The following MTSS1 variants were observed in gnomAD, a reference collection of about 807,000 sequenced individuals.
The protein encoded by MTSS1 is protein MTSS 1.
A neutral mutation model predicts 79.0 loss-of-function variants in MTSS1; 18 were observed. That is an observed-to-expected ratio of 0.23 (90% confidence interval 0.16 to 0.34). MTSS1 has a LOEUF of 0.34. Ranked by LOEUF, MTSS1 falls within the 10% of genes least tolerant of loss-of-function variation. The pLI, the probability that MTSS1 is intolerant of heterozygous loss-of-function variation, is 1.00. For missense variants in MTSS1, 815 were observed against 986.2 expected, an observed-to-expected ratio of 0.83 and a Z score of 2.33; for synonymous variants, 341 against 368.6, an observed-to-expected ratio of 0.93 and a Z score of 0.86.
At chr8:124,697,050 C>T (rs534826580) in intron 3 of MTSS1, among the ~76,000 whole-genome samples, 1 of 152,098 alleles carries the variant, frequency 6.6e-6, no homozygotes, top group Non-Finnish European at 1.5e-5. Flanking sequence ...CCTGCAGTGT[C>T]CCGCCAAGAA....
chr8:124,652,691 A>T (rs1181281007), intron 3 of MTSS1, among the ~76,000 whole-genome samples: 1 of 150,512 alleles, frequency 6.6e-6, no homozygotes, highest in Non-Finnish European at 1.5e-5. Context: ...GTTACTTGGG[A>T]GGCTGAGGCA....
At chr8:124,632,771 G>A (rs1485951936) in intron 3 of MTSS1, among the ~76,000 whole-genome samples, 4 of 152,292 alleles carry the variant, frequency 2.6e-5, no homozygotes, top group African/African-American at 9.6e-5. Flanking sequence ...GAGTTCAAGC[G>A]ATTCTTCTGC....
chr8:124,669,080 T>C (rs1587705518), intron 3 of MTSS1, among the ~76,000 whole-genome samples: 3 of 152,196 alleles, frequency 2.0e-5, no homozygotes, highest in Admixed American at 2.0e-4. Flanking sequence ...GAGCAAAAGA[T>C]GGATCTCTCA....
chr8:124,561,544 ACT>A (rs1221239694), intron 10 of MTSS1, among the ~76,000 whole-genome samples: 2 of 151,896 alleles, frequency 1.3e-5, no homozygotes, highest in Non-Finnish European at 2.9e-5. Flanking sequence ...CATGGGAAAC[ACT>A]CTGTTCTACC....
chr8:124,597,288 T>C lies in MTSS1; in HGVS notation c.209-6053A>G, dbSNP rs1156801295. Among the ~76,000 whole-genome samples the C allele has an allele frequency of 6.6e-6, 1 of 152,156 alleles. No homozygotes were observed. The highest frequency in any genetic ancestry group is 2.4e-5 in the African/African-American group (1 of 41,426). On this transcript the variant is annotated intron_variant, in intron 3 of 13. Coordinates refer to ENST00000518547, the MANE Select transcript of MTSS1 (RefSeq NM_014751.6). The surrounding 1 kb of genome is among the most constrained non-coding windows in gnomAD (Gnocchi z 4.6). Reference sequence around the variant, plus strand: ...GTTAACAACCTTGCTGAGGGCCACATTGCTGGTCAGCAGTAGAGCCAAAAT... The same window carrying C: ...GTTAACAACCTTGCTGAGGGCCACACTGCTGGTCAGCAGTAGAGCCAAAAT...
chr8:124,712,485 G>T (rs967230010), intron 1 of MTSS1, among the ~76,000 whole-genome samples: 1 of 152,166 alleles, frequency 6.6e-6, no homozygotes. Context: ...TCCAGAAGTG[G>T]GCGTGTGGGA....
chr8:124,655,712 C>A (rs939477478), intron 3 of MTSS1, among the ~76,000 whole-genome samples: 2 of 152,126 alleles, frequency 1.3e-5, no homozygotes, highest in African/African-American at 4.8e-5. Context: ...TGTGGAACTA[C>A]TGAACCCAAG....
chr8:124,628,958 A>G (rs1403138374), intron 3 of MTSS1, among the ~76,000 whole-genome samples: 3 of 152,178 alleles, frequency 2.0e-5, no homozygotes, highest in African/African-American at 7.2e-5. Flanking sequence ...ACAGGATCCC[A>G]AAGTATCTTC....
Position 124,605,378 on chromosome 8 carries a change from C to T in MTSS1, c.209-14143G>A, listed in dbSNP as rs2133117120. On this transcript the variant is annotated intron_variant, in intron 3 of 13. Coordinates refer to ENST00000518547, the MANE Select transcript of MTSS1 (RefSeq NM_014751.6). ...TCACAGTATCTGGATCAGGGATTAT[C>T]TCCCAGTCAGCCTTCTTGGGTTGTC... Among the ~76,000 whole-genome samples, 3 of 152,328 alleles carry T rather than the reference C, an allele frequency of 2.0e-5. No individual in the cohort carries two copies. The South Asian group carries it at 6.2e-4, about 32-fold the overall frequency.
At chr8:124,684,392 AT>A (rs1826614722) in intron 3 of MTSS1, among the ~76,000 whole-genome samples, 1 of 152,252 alleles carries the variant, frequency 6.6e-6, no homozygotes, top group African/African-American at 2.4e-5. Context: ...ACACGGTTTT[AT>A]AAATTATAGA....
chr8:124,654,122 G>A (rs1411901449), intron 3 of MTSS1, among the ~76,000 whole-genome samples: 3 of 152,162 alleles, frequency 2.0e-5, no homozygotes, highest in East Asian at 1.9e-4. Context: ...GTGTATCATC[G>A]TCGCTGACCT....
In MTSS1 at chr8:124,618,404, T is replaced by C. The variant is rs117305245; in HGVS notation, c.209-27169A>G. The stretch of plus-strand genomic sequence containing the variant: ...ATGCCAAGAGTAAGCAACTGTTGCA[T>C]CGTTCCACATGATCACAAGACAGAT... On this transcript the variant is annotated intron_variant, in intron 3 of 13. Coordinates refer to ENST00000518547, the MANE Select transcript of MTSS1 (RefSeq NM_014751.6). 6.5e-4 allele frequency among the ~76,000 whole-genome samples: 99 copies of C among 152,350 alleles called. 1 individual carries two copies. In the East Asian group the frequency reaches 0.017, roughly 26 times the overall value.
Position 124,552,889 on chromosome 8 carries a change from T to G in MTSS1, c.*103A>C. 8.4e-7 allele frequency: 1 copy of G among 1,183,820 alleles called. No individual in the cohort carries two copies. The highest frequency in any genetic ancestry group is 1.2e-6 in the Non-Finnish European group (1 of 843,090). The allele number at this position is 1,183,820 out of a possible 1,614,324, so 73.3% of individuals were successfully genotyped here. On this transcript the variant is annotated 3_prime_UTR_variant, in exon 14 of 14. Transcript: ENST00000518547. Reference sequence around the variant, plus strand: ...CTTTCAAAAGAGCTATATTCCGAGTTGCCTACAAAATCTTTTGTTTTATTA... The same window carrying G: ...CTTTCAAAAGAGCTATATTCCGAGTGGCCTACAAAATCTTTTGTTTTATTA...
At chr8:124,656,590 G>T (rs1820981438) in intron 3 of MTSS1, among the ~76,000 whole-genome samples, 1 of 151,590 alleles carries the variant, frequency 6.6e-6, no homozygotes, top group African/African-American at 2.4e-5. Context: ...TGGCCAACAT[G>T]GTGAAACCCT....
chr8:124,567,698 T>C (rs1309400988), intron 7 of MTSS1: 1 of 1,479,604 alleles, frequency 6.8e-7, no homozygotes, highest in Admixed American at 2.3e-5. Context: ...GGAAGAAACA[T>C]CCCATGTGCT....
Position 124,567,331 on chromosome 8 carries a change from A to C in MTSS1, c.619-153T>G, listed in dbSNP as rs531909910. ...GGCAAATCTTTGCTGAAGGCACTAC[A>C]TGCCTTTTCTTTTGGGAAATGAGAT... On this transcript the variant is annotated intron_variant, in intron 7 of 13. Coordinates refer to ENST00000518547, the MANE Select transcript of MTSS1 (RefSeq NM_014751.6). 4.6e-5 allele frequency among the ~76,000 whole-genome samples: 7 copies of C among 152,402 alleles called. No individual in the cohort carries two copies. In the East Asian group the frequency reaches 1.3e-3, roughly 29 times the overall value.
intron 3 of MTSS1, among the ~76,000 whole-genome samples, chr8:124,613,734 G>A (rs1280759707): frequency 6.6e-6 from 1 of 152,198 alleles, no homozygotes; most frequent in East Asian, 1.9e-4. Flanking sequence ...TTCTACCCCA[G>A]TCAAATCCAG....
At chr8:124,588,719 T>C (rs1831306050) in intron 5 of MTSS1, among the ~76,000 whole-genome samples, 3 of 152,178 alleles carry the variant, frequency 2.0e-5, no homozygotes, top group Non-Finnish European at 4.4e-5. Context: ...TTCACTTCTT[T>C]GGAGGGTTAG....
At chr8:124,716,846 G>A (rs769282093) in intron 1 of MTSS1, among the ~76,000 whole-genome samples, 2 of 151,990 alleles carry the variant, frequency 1.3e-5, no homozygotes, top group African/African-American at 2.4e-5. Context: ...TGGGAACTGA[G>A]ACATGTTTTT....
Sources: allele counts gnomAD v4.1 joint callset (sites outside exome capture counted in the v4.1 genomes callset), GRCh38; gene constraint gnomAD v4.1.1; non-coding constraint Gnocchi (gnomAD v3.1); transcripts MANE v1.5; gene names NCBI Gene and HGNC (gene_info 2026-07-23, HGNC 2026-07-21).